Variants in ABCB5 observed in about 807,000 individuals in gnomAD.
ABCB5 encodes ATP binding cassette subfamily B member 5, also known as ATP-binding cassette sub-family B member 5.
Under a neutral mutation model 144.2 loss-of-function variants are expected in ABCB5, and 155 were observed. That is an observed-to-expected ratio of 1.08 (90% CI 0.94 to 1.23). ABCB5 has a LOEUF of 1.23. ABCB5 is among the 50% of genes most tolerant of loss of function. The pLI is 0.00. For missense variants in ABCB5, 1,830 were observed against 1,520.8 expected (o/e 1.20, Z -3.38); for synonymous variants, 610 against 528.6 (o/e 1.15, Z -2.11).
chr7:20,724,604 G>T (rs542807687), intron 21 of ABCB5, among the ~76,000 whole-genome samples: 1 of 141,222 alleles, frequency 7.1e-6, no homozygotes, highest in East Asian at 2.1e-4. Context: ...ACTCCAACTT[G>T]GGCGACAGAG....
intron 5 of ABCB5, among the ~76,000 whole-genome samples, chr7:20,637,196 T>C (rs79259809): frequency 0.11 from 16,286 of 152,202 alleles, 1,135 homozygotes; most frequent in Non-Finnish European, 0.15. Flanking sequence ...TCTGTAATAA[T>C]CAGGAACTAA....
intron 21 of ABCB5, among the ~76,000 whole-genome samples, chr7:20,724,417 C>T (rs1269451583): frequency 1.3e-5 from 2 of 151,868 alleles, no homozygotes; most frequent in Admixed American, 1.3e-4. Flanking sequence ...CTTTTGAGGT[C>T]AGGAGTTTGA....
At chr7:20,685,360 C>T (rs1279405325) in intron 15 of ABCB5, among the ~76,000 whole-genome samples, 2 of 152,122 alleles carry the variant, frequency 1.3e-5, no homozygotes, top group African/African-American at 4.8e-5. Context: ...AGGAGGAAGG[C>T]GTCAGAAACA....
At chr7:20,661,307 T>G (rs938849635) in intron 14 of ABCB5, among the ~76,000 whole-genome samples, 3 of 152,196 alleles carry the variant, frequency 2.0e-5, no homozygotes, top group African/African-American at 7.2e-5. Context: ...TTTCATTAGC[T>G]AACACACAAC....
At chr7:20,742,236 T>C (rs1782584486) in intron 24 of ABCB5, among the ~76,000 whole-genome samples, 1 of 152,046 alleles carries the variant, frequency 6.6e-6, no homozygotes, top group African/African-American at 2.4e-5. Flanking sequence ...TGGCTGGGTG[T>C]GGTGGCGCAC....
intron 23 of ABCB5, among the ~76,000 whole-genome samples, chr7:20,734,439 T>G (rs1042055204): frequency 1.3e-5 from 2 of 150,324 alleles, no homozygotes; most frequent in African/African-American, 4.9e-5. Flanking sequence ...TTTGTAGATC[T>G]AGTATGGGGC....
intron 23 of ABCB5, among the ~76,000 whole-genome samples, chr7:20,738,004 G>C (rs754585171): frequency 6.6e-6 from 1 of 152,150 alleles, no homozygotes; most frequent in Non-Finnish European, 1.5e-5. Flanking sequence ...GGTCACTGAA[G>C]AGATTGCATC....
chr7:20,753,948 C>T (rs892367715), intron 27 of ABCB5, among the ~76,000 whole-genome samples: 1 of 152,120 alleles, frequency 6.6e-6, no homozygotes, highest in Non-Finnish European at 1.5e-5. Flanking sequence ...CTAGTTTGAG[C>T]GGGAAACAAG....
intron 13 of ABCB5, among the ~76,000 whole-genome samples, chr7:20,653,842 G>A (rs1784681660): frequency 6.6e-6 from 1 of 152,240 alleles, no homozygotes; most frequent in African/African-American, 2.4e-5. Flanking sequence ...ACACTGGATA[G>A]AAGTCAGGCA....
At chr7:20,710,993 T>G (rs1158571834) in intron 20 of ABCB5, among the ~76,000 whole-genome samples, 10 of 149,936 alleles carry the variant, frequency 6.7e-5, no homozygotes, top group African/African-American at 2.5e-5. Context: ...ATAGTACCCA[T>G]CTTTAACTTA....
At chr7:20,628,932 G>C in intron 4 of ABCB5, 94 bp downstream of exon 4, 1 of 1,370,546 alleles carries the variant, frequency 7.3e-7, no homozygotes, top group Admixed American at 2.0e-5. Flanking sequence ...TTATTGTATT[G>C]TAAAACAGTA....
At chr7:20,632,759 G>A (rs988700944) in intron 5 of ABCB5, among the ~76,000 whole-genome samples, 1 of 150,838 alleles carries the variant, frequency 6.6e-6, no homozygotes, top group East Asian at 2.0e-4. Flanking sequence ...ACTATCGCAA[G>A]AGCAAAAAAA....
At chr7:20,668,212 C>T (rs1391756989) in intron 14 of ABCB5, among the ~76,000 whole-genome samples, 1 of 147,934 alleles carries the variant, frequency 6.8e-6, no homozygotes, top group East Asian at 2.1e-4. Flanking sequence ...GCCTCTCTGC[C>T]TGGCTGCACA....
chr7:20,717,437 C>CTTT lies in ABCB5; in HGVS notation c.2422-5563_2422-5561dup, dbSNP rs557306157. Among the ~76,000 whole-genome samples, 568 of 132,994 alleles carry CTTT rather than the reference C, an allele frequency of 4.3e-3. 6 individuals carry two copies. The highest frequency in any genetic ancestry group is 0.016 in the African/African-American group (544 of 34,486). 87.2% of individuals were successfully genotyped at this position (132,994 alleles called of 152,430 possible). On this transcript the variant is annotated intron_variant, in intron 20 of 27. Coordinates refer to ENST00000404938, the MANE Select transcript of ABCB5 (RefSeq NM_001163941.2). ...AGTGTCTGCTGTGTCCAGATTTCCTCTTTTTTTTTTTTTTTTTTCTTTTGA... is the reference window on the plus strand; with the variant it reads ...AGTGTCTGCTGTGTCCAGATTTCCTCTTTTTTTTTTTTTTTTTTTTTCTTTTGA...
chr7:20,725,845 G>C (rs1260332201), intron 21 of ABCB5, among the ~76,000 whole-genome samples: 1 of 151,888 alleles, frequency 6.6e-6, no homozygotes, highest in Non-Finnish European at 1.5e-5. Context: ...GTTTCTTTAA[G>C]TCCATTTTTA....
chr7:20,728,252 A>G lies in ABCB5; in HGVS notation c.2727-63A>G, dbSNP rs879159802. On this transcript the variant is annotated intron_variant, in intron 22 of 27. Transcript: ENST00000404938. ...AAGTCCTCTCTATTTATTACTCTAC[A>G]TGTATTCAATTGACCTTGCTATAAT... 8 of 1,562,890 alleles carry G rather than the reference A, an allele frequency of 5.1e-6. No homozygotes were observed. In the East Asian group the frequency reaches 6.8e-5, roughly 13 times the overall value.
Position 20,659,142 on chromosome 7 carries a change from C to A in ABCB5, c.1707+466C>A, listed in dbSNP as rs1373099178. The A allele has an allele frequency of 1.9e-6, 3 of 1,613,806 alleles. No individual in the cohort carries two copies. In the African/African-American group the frequency reaches 4.0e-5, roughly 22 times the overall value. ...CTGACCTTGAACCAGCGCCCTTCGA[C>A]AGCTCTGGCCCCTCAAACCTCACCC... On this transcript the variant is annotated intron_variant, in intron 14 of 27. Coordinates refer to ENST00000404938, the MANE Select transcript of ABCB5 (RefSeq NM_001163941.2).
chr7:20,742,592 G>A (rs970106349), intron 24 of ABCB5, among the ~76,000 whole-genome samples: 12 of 152,160 alleles, frequency 7.9e-5, no homozygotes, highest in Non-Finnish European at 1.6e-4. Context: ...ACAACCAACT[G>A]CGGAATGGAA....
chr7:20,662,700 A>T lies in ABCB5; in HGVS notation c.1707+4024A>T, dbSNP rs543434170. On this transcript the variant is annotated intron_variant, in intron 14 of 27. Transcript: ENST00000404938. ...AAAAACATGATTGGATATTTTATAA[A>T]CCTGCTTAATCAAGCTCACATTTGT... Among the ~76,000 whole-genome samples the T allele has an allele frequency of 3.3e-5, 5 of 151,780 alleles. No homozygotes were observed. The South Asian group carries it at 1.0e-3, about 31-fold the overall frequency.
Sources: gnomAD v4.1 joint callset for allele counts (sites outside exome capture counted in the v4.1 genomes callset) on GRCh38, gnomAD v4.1.1 for gene constraint, MANE v1.5 for transcripts, NCBI Gene and HGNC (gene_info 2026-07-23, HGNC 2026-07-21) for gene names.